KIF13B: variants seen among roughly 807,000 people sequenced by gnomAD.
KIF13B encodes kinesin-like protein KIF13B.
KIF13B carries 127 observed loss-of-function variants against 222.0 expected under a neutral mutation model. The ratio of observed to expected loss-of-function variants is 0.57; its 90% CI spans 0.50 to 0.66. KIF13B has a LOEUF of 0.66. Ranked by LOEUF, KIF13B falls within the 30% of genes least tolerant of loss-of-function variation. KIF13B has a pLI of 0.00. For synonymous variants in KIF13B, 976 were observed against 919.0 expected (o/e 1.06, Z -1.12); for missense variants, 2,173 against 2,379.0 (o/e 0.91, Z 1.80).
At chr8:29,099,436 C>T (rs939065376) in intron 35 of KIF13B, among the ~76,000 whole-genome samples, 195 bp from the exon 36 acceptor site, 2 of 152,050 alleles carry the variant, frequency 1.3e-5, no homozygotes, top group African/African-American at 4.8e-5. Context: ...TGCAGGGGTG[C>T]GCCATCATAG....
intron 32 of KIF13B, among the ~76,000 whole-genome samples, chr8:29,111,983 T>G (rs749958179): frequency 6.6e-6 from 1 of 152,234 alleles, no homozygotes; most frequent in Non-Finnish European, 1.5e-5. Flanking sequence ...TTAAATGTTC[T>G]GCAAACTCCA....
intron 31 of KIF13B, among the ~76,000 whole-genome samples, chr8:29,115,236 T>A (rs1809538370): frequency 6.6e-6 from 1 of 151,768 alleles, no homozygotes; most frequent in African/African-American, 2.4e-5. Context: ...GTATTGAGAA[T>A]GCCTCAAAAA....
intron 24 of KIF13B, among the ~76,000 whole-genome samples, chr8:29,129,309 CATAT>C (rs1182127798): frequency 2.0e-5 from 3 of 152,170 alleles, no homozygotes; most frequent in African/African-American, 7.2e-5. Context: ...GAAGAAGATA[CATAT>C]ATTTTTTAAC....
In KIF13B at chr8:29,099,258, T is replaced by G; in HGVS notation, c.4216-17A>C. ...CCACCGGCCCTAGTAAAGACAAAAT[T>G]GGCAATTTTGTTTCAAGTTATTCAA... On this transcript the variant is annotated splice_polypyrimidine_tract_variant and intron_variant, in intron 35 of 39. Coordinates refer to ENST00000524189, the MANE Select transcript of KIF13B (RefSeq NM_015254.4). The G allele has an allele frequency of 6.4e-7, 1 of 1,562,588 alleles. No homozygotes were observed. Among genetic ancestry groups the G allele is most frequent in the Non-Finnish European group, 8.7e-7 (1 of 1,152,380 alleles).
At chr8:29,093,200 T>A (rs765621088) in intron 36 of KIF13B, among the ~76,000 whole-genome samples, 2 of 152,180 alleles carry the variant, frequency 1.3e-5, no homozygotes, top group Non-Finnish European at 1.5e-5. Context: ...TAGAATAAAA[T>A]GGGATTGGTT....
At chr8:29,175,056 C>T (rs936491966) in intron 10 of KIF13B, among the ~76,000 whole-genome samples, 4 of 152,008 alleles carry the variant, frequency 2.6e-5, no homozygotes, top group African/African-American at 7.3e-5. Context: ...TCAACAAATT[C>T]TTGATCAATA....
chr8:29,210,325 A>G (rs1814163494), intron 2 of KIF13B, among the ~76,000 whole-genome samples: 1 of 152,194 alleles, frequency 6.6e-6, no homozygotes, highest in African/African-American at 2.4e-5. Context: ...CTACAGATCT[A>G]CTCACCAGAG....
chr8:29,196,789 G>A (rs1813440668), intron 2 of KIF13B, among the ~76,000 whole-genome samples: 1 of 152,092 alleles, frequency 6.6e-6, no homozygotes. Context: ...CTTGCATTAT[G>A]CTTAACAGTT....
chr8:29,132,253 A>G, intron 23 of KIF13B, 55 bp downstream of exon 23: 5 of 1,321,940 alleles, frequency 3.8e-6, no homozygotes, highest in Non-Finnish European at 4.9e-6. Flanking sequence ...GTCTCAAAAA[A>G]CAAAAAAAAA....
rs1164223302 is a variant in KIF13B, at chr8:29,069,304, T to TG, written c.*1199dup. On this transcript the variant is annotated 3_prime_UTR_variant, in exon 40 of 40. Transcript: ENST00000524189. ...GCTGTCCCGCCCACACCATGCACGG[T>TG]GGGCCTGGGGGCGTGGCTGCTGTGA... 6.6e-6 allele frequency: 1 copy of TG among 152,186 alleles called. No individual in the cohort carries two copies. Among genetic ancestry groups the TG allele is most frequent in the Admixed American group, 6.5e-5 (1 of 15,278 alleles). The allele number at this position is 152,186 out of a possible 1,614,324, so 9.4% of individuals were successfully genotyped here. A position where few individuals can be genotyped will look rare whatever the true frequency, so the allele number is the denominator to read the frequency against.
At chr8:29,157,013 T>C (rs1397071625) in intron 13 of KIF13B, among the ~76,000 whole-genome samples, 1 of 152,132 alleles carries the variant, frequency 6.6e-6, no homozygotes, top group African/African-American at 2.4e-5. Context: ...AGCTTAGATA[T>C]AATTCTTGAG....
intron 17 of KIF13B, among the ~76,000 whole-genome samples, chr8:29,146,870 ATCTCC>A: frequency 6.6e-6 from 1 of 152,212 alleles, no homozygotes; most frequent in Non-Finnish European, 1.5e-5. Context: ...ATTTCTATCA[ATCTCC>A]AGGTAAAAGG....
In KIF13B at chr8:29,071,946, C is replaced by G. The variant is rs1213577317; in HGVS notation, c.4892G>C (p.Gly1631Ala). 31 of 1,376,328 alleles carry G rather than the reference C, an allele frequency of 2.3e-5. No homozygotes were observed. Among genetic ancestry groups the G allele is most frequent in the Non-Finnish European group, 2.8e-5 (30 of 1,073,012 alleles). 85.3% of individuals were successfully genotyped at this position (1,376,328 alleles called of 1,614,324 possible). Residue 1631 changes from glycine to alanine, a missense_variant, in exon 39 of 40, where the codon GGT becomes GCT. Around this residue, in one of 2 missense-constraint regions of KIF13B, gnomAD observed 693 missense variants for 656.2 expected, o/e 1.06. Transcript: ENST00000524189. This position sits in a 1 kb window ranked among gnomAD's most constrained non-coding sequence, Gnocchi z 4.9. ...PPGPQQLVSP[G>A]RERPDLEAPA... ...GGCCTCGAGGTCGGGGCGCTCCCGA[C>G]CGGGGCTCACGAGCTGCTGGGGGCC...
At chr8:29,158,052 C>G (rs565550758) in intron 13 of KIF13B, among the ~76,000 whole-genome samples, 1 of 152,152 alleles carries the variant, frequency 6.6e-6, no homozygotes, top group Non-Finnish European at 1.5e-5. Flanking sequence ...CATCCTACTG[C>G]CTTTTACTAG....
Position 29,072,032 on chromosome 8 carries a change from C to A in KIF13B, c.4806G>T (p.Glu1602Asp). ...PGSMPTAPEA[E>D]PEAPISHPPP... is the part of the protein sequence containing the mutation. ...GGGGGTGGCTGATGGGCGCCTCGGG[C>A]TCGGCCTCAGGGGCGGTGGGCATGG... The change falls in exon 39 of 40, where the codon GAG becomes GAT. Residue 1602 changes from glutamate to aspartate, a missense_variant. Physicochemically the swap from Glu to Asp is conservative, Grantham distance 45 (BLOSUM62 2). Coordinates refer to ENST00000524189, the MANE Select transcript of KIF13B (RefSeq NM_015254.4). The A allele has an allele frequency of 7.7e-7, 1 of 1,297,620 alleles. No homozygotes were observed. 80.4% of individuals were successfully genotyped at this position (1,297,620 alleles called of 1,614,324 possible). A position where few individuals can be genotyped will look rare whatever the true frequency, so the allele number is the denominator to read the frequency against.
At chr8:29,077,526 G>C (rs1807621002) in intron 37 of KIF13B, among the ~76,000 whole-genome samples, 1 of 152,254 alleles carries the variant, frequency 6.6e-6, no homozygotes, top group Non-Finnish European at 1.5e-5. Flanking sequence ...AAGTGGACAA[G>C]ATTGGGGAAC....
Position 29,156,112 on chromosome 8 carries a change from G to A in KIF13B, c.1405-256C>T, listed in dbSNP as rs138756810. ...GCCACCCGAGTAGCTGGGATTACAG[G>A]CATGCACCACCATGCCCAGCTCATT... On this transcript the variant is annotated intron_variant, in intron 13 of 39. Transcript: ENST00000524189. Among the ~76,000 whole-genome samples the A allele has an allele frequency of 2.4e-4, 37 of 152,214 alleles. 1 individual carries two copies. The highest frequency in any genetic ancestry group is 8.4e-4 in the African/African-American group (35 of 41,534).
intron 3 of KIF13B, among the ~76,000 whole-genome samples, chr8:29,193,399 C>A (rs1191280086): frequency 6.6e-6 from 1 of 152,126 alleles, no homozygotes; most frequent in Admixed American, 6.6e-5. Flanking sequence ...CTTGCAAACT[C>A]CAGGTGTCAC....
Position 29,127,193 on chromosome 8 carries a change from T to C in KIF13B, c.3151A>G (p.Ile1051Val). ...SGTLPLMEEC[I>V]LSVGIGCVKV... ...ACACATCCAATGCCAACAGACAGTA[T>C]ACATTCTTCCATCAGTGGTAAAGTC... The change falls in exon 25 of 40, where the codon ATA (isoleucine) becomes GTA (valine). Residue 1051 changes from isoleucine (I) to valine (V), a missense_variant. Around this residue, in one of 2 missense-constraint regions of KIF13B, gnomAD observed 1,480 missense variants for 1,722.8 expected, o/e 0.86. Coordinates refer to ENST00000524189, the MANE Select transcript of KIF13B (RefSeq NM_015254.4). The C allele has an allele frequency of 6.2e-7, 1 of 1,613,968 alleles. No homozygotes were observed.
Sources: gnomAD v4.1 joint callset for allele counts (sites outside exome capture counted in the v4.1 genomes callset) on GRCh38, gnomAD v4.1.1 for gene constraint, gnomAD v4.1.1 regional missense constraint, Gnocchi (gnomAD v3.1) non-coding constraint, MANE v1.5 for transcripts, NCBI Gene and HGNC (gene_info 2026-07-23, HGNC 2026-07-21) for gene names.